The following PGR variants were observed in gnomAD, a reference collection of about 807,000 sequenced individuals.
PGR encodes the protein nuclear receptor subfamily 3 group C member 3.
Under a neutral mutation model 76.1 loss-of-function variants are expected in PGR, and 25 were observed. The ratio of observed to expected loss-of-function variants is 0.33; its 90% CI spans 0.24 to 0.46. The LOEUF (loss-of-function observed/expected upper bound fraction) is 0.46. Among genes scored for constraint, PGR ranks in the 20% least tolerant of loss-of-function variants. PGR has a pLI of 1.00. For missense variants in PGR, 1,172 were observed against 1,225.3 expected, an observed-to-expected ratio of 0.96 and a Z score of 0.65; for synonymous variants, 579 against 535.0, an observed-to-expected ratio of 1.08 and a Z score of -1.14.
Position 101,036,484 on chromosome 11 carries a change from A to G in PGR, c.*2632T>C, listed in dbSNP as rs1009162664. 1 of 199,956 alleles carries G rather than the reference A, an allele frequency of 5.0e-6. No individual in the cohort carries two copies. The highest frequency in any genetic ancestry group is 2.3e-5 in the African/African-American group (1 of 43,490). 12.4% of individuals were successfully genotyped at this position (199,956 alleles called of 1,614,324 possible). On this transcript the variant is annotated 3_prime_UTR_variant, in exon 8 of 8. Coordinates refer to ENST00000325455, the MANE Select transcript of PGR (RefSeq NM_000926.4). Reference sequence around the variant, plus strand: ...ACCTGTCTTCTTATGATTTAGTGTCATTTTAGAGCTACCAGAAAGAACACG... The same window carrying G: ...ACCTGTCTTCTTATGATTTAGTGTCGTTTTAGAGCTACCAGAAAGAACACG...
Position 101,110,858 on chromosome 11 carries a change from A to G in PGR, c.1789+15149T>C, listed in dbSNP as rs550487902. 5.9e-5 allele frequency among the ~76,000 whole-genome samples: 9 copies of G among 152,318 alleles called. No homozygotes were observed. In the East Asian group the frequency reaches 9.7e-4, roughly 16 times the overall value. On this transcript the variant is annotated intron_variant, in intron 2 of 7. Transcript: ENST00000325455. ...CCAACCTCCAGCAATCACTACCTCGATAAGTCAATGACCATTCACATCAAG... is the reference window on the plus strand; with the variant it reads ...CCAACCTCCAGCAATCACTACCTCGGTAAGTCAATGACCATTCACATCAAG...
intron 4 of PGR, among the ~76,000 whole-genome samples, chr11:101,056,593 T>A (rs568875466): frequency 3.4e-4 from 47 of 139,804 alleles, no homozygotes; most frequent in African/African-American, 1.2e-3. Flanking sequence ...TGAGCTACAA[T>A]CATGCCACTG....
chr11:101,078,252 A>G (rs1861187901), intron 3 of PGR, among the ~76,000 whole-genome samples: 1 of 152,196 alleles, frequency 6.6e-6, no homozygotes, highest in South Asian at 2.1e-4. Flanking sequence ...TAAAATGTGA[A>G]GATAAGGCTT....
intron 2 of PGR, among the ~76,000 whole-genome samples, chr11:101,103,731 C>A (rs993674989): frequency 2.0e-5 from 3 of 152,094 alleles, no homozygotes; most frequent in Non-Finnish European, 4.4e-5. Context: ...TACTTAAATG[C>A]ATATAGGGTG....
At position 101,116,941 on chromosome 11, in the gene PGR, G is replaced by A. The variant is rs184467901; in HGVS notation, c.1789+9066C>T. On this transcript the variant is annotated intron_variant, in intron 2 of 7. Coordinates refer to ENST00000325455, the MANE Select transcript of PGR (RefSeq NM_000926.4). ...ATATTTTAGAGACTTCTTGACATCT[G>A]TAGTATAGACAGCTAACTCACTCTT... Among the ~76,000 whole-genome samples the A allele has an allele frequency of 2.5e-3, 385 of 152,104 alleles. 2 individuals are homozygous for A. The highest frequency in any genetic ancestry group is 9.0e-3 in the African/African-American group (374 of 41,504).
At chr11:101,055,762 C>T (rs1403655085) in intron 4 of PGR, among the ~76,000 whole-genome samples, 2 of 152,104 alleles carry the variant, frequency 1.3e-5, no homozygotes, top group Non-Finnish European at 2.9e-5. Flanking sequence ...CTTTATCCTA[C>T]TCTTAGTTTT....
Position 101,129,006 on chromosome 11 carries a change from T to C in PGR, c.65A>G (p.Glu22Gly). 1.3e-6 allele frequency: 2 copies of C among 1,578,912 alleles called. No homozygotes were observed. The highest frequency in any genetic ancestry group is 1.7e-6 in the Non-Finnish European group (2 of 1,162,826). ...PHVAGGPPSP[E>G]VGSPLLCRPA... ...GCGACACAGCAGTGGGGATCCGACC[T>C]CGGGGGAGGGCGGGCCGCCCGCCAC... Residue 22 changes from glutamate (E) to glycine (G), a missense_variant, in exon 1 of 8, where the codon GAG becomes GGG. Transcript: ENST00000325455.
chr11:101,089,196 A>G (rs57053280), intron 3 of PGR, among the ~76,000 whole-genome samples: 40 of 152,000 alleles, frequency 2.6e-4, no homozygotes, highest in African/African-American at 9.2e-4. Flanking sequence ...GAAAAAATAA[A>G]TAGAGCTGCG....
rs1202120789 is a variant in PGR at position 101,128,384 on chromosome 11, G to C, written c.687C>G (p.Ser229=). ...TCAGAAGCGGACCCGCAGACTCCTC[G>C]GACTCAGAGCCATCCTCCTCCTCAA... ...VEVEEEDGSE[S]EESAGPLLKG... The change falls in exon 1 of 8, where the codon TCC becomes TCG. Residue 229 remains serine, a synonymous_variant. Coordinates refer to ENST00000325455, the MANE Select transcript of PGR (RefSeq NM_000926.4). 1 of 1,608,904 alleles carries C rather than the reference G, an allele frequency of 6.2e-7. No individual in the cohort carries two copies. The highest frequency in any genetic ancestry group is 1.3e-5 in the African/African-American group (1 of 75,044).
At chr11:101,105,714 T>C (rs758526244) in intron 2 of PGR, among the ~76,000 whole-genome samples, 1 of 152,120 alleles carries the variant, frequency 6.6e-6, no homozygotes, top group South Asian at 2.1e-4. Flanking sequence ...CTTCACAGAA[T>C]TGGAAAAAGC....
At chr11:101,073,202 A>G (rs1213054355) in intron 3 of PGR, among the ~76,000 whole-genome samples, 1 of 152,258 alleles carries the variant, frequency 6.6e-6, no homozygotes, top group Non-Finnish European at 1.5e-5. Flanking sequence ...ATGGAAACTG[A>G]ACAACCTGCT....
intron 2 of PGR, among the ~76,000 whole-genome samples, chr11:101,123,999 A>C (rs1862761257): frequency 6.6e-6 from 1 of 152,196 alleles, no homozygotes; most frequent in African/African-American, 2.4e-5. Context: ...TGTTATCCTC[A>C]TTTTATCTCA....
chr11:101,127,957 C>A lies in PGR; in HGVS notation c.1114G>T (p.Asp372Tyr). Reference protein sequence around the residue: ...AYPPDAEPKDDAYPLYSDFQP... With the variant: ...AYPPDAEPKDYAYPLYSDFQP... ...AAGTCGCTATAGAGAGGGTACGCGT[C>A]GTCCTTGGGCTCGGCGTCGGGCGGG... is the stretch of plus-strand genomic sequence containing the variant. Residue 372 changes from aspartate to tyrosine, a missense_variant, in exon 1 of 8, where the codon GAC (aspartate) becomes TAC (tyrosine). Asp to Tyr is a radical substitution (Grantham distance 160). Coordinates refer to ENST00000325455, the MANE Select transcript of PGR (RefSeq NM_000926.4). The A allele has an allele frequency of 1.2e-6, 2 of 1,612,072 alleles. No individual in the cohort carries two copies. The highest frequency in any genetic ancestry group is 1.7e-6 in the Non-Finnish European group (2 of 1,179,818).
At chr11:101,060,262 T>C (rs1227012083) in intron 4 of PGR, among the ~76,000 whole-genome samples, 1 of 152,182 alleles carries the variant, frequency 6.6e-6, no homozygotes, top group African/African-American at 2.4e-5. Context: ...TGAGGATCAC[T>C]TAACAAAAGT....
chr11:101,031,562 A>G lies in PGR; in HGVS notation c.*7554T>C, dbSNP rs574319304. ...GCTCCAAGGCTGTGGAGGGCTCATG[A>G]AGTCACAATGTTCTACTGAGAATTT... On this transcript the variant is annotated 3_prime_UTR_variant, in exon 8 of 8. Coordinates refer to ENST00000325455, the MANE Select transcript of PGR (RefSeq NM_000926.4). 22 of 225,506 alleles carry G rather than the reference A, an allele frequency of 9.8e-5. No individual in the cohort carries two copies. The highest frequency in any genetic ancestry group is 3.4e-4 in the Admixed American group (6 of 17,548). 14.0% of individuals were successfully genotyped at this position (225,506 alleles called of 1,614,324 possible). A position where few individuals can be genotyped will look rare whatever the true frequency, so the allele number is the denominator to read the frequency against.
intron 2 of PGR, among the ~76,000 whole-genome samples, chr11:101,108,070 A>T (rs1433363950): frequency 6.6e-6 from 1 of 151,686 alleles, no homozygotes; most frequent in African/African-American, 2.4e-5. Flanking sequence ...CCTAGCCAAC[A>T]CAGTGAAACC....
At chr11:101,058,001 T>C (rs964326664) in intron 4 of PGR, among the ~76,000 whole-genome samples, 1 of 152,078 alleles carries the variant, frequency 6.6e-6, no homozygotes, top group Non-Finnish European at 1.5e-5. Context: ...CTGGAAAAGA[T>C]AGAACCCAGA....
intron 2 of PGR, among the ~76,000 whole-genome samples, chr11:101,108,596 C>T (rs1862249606): frequency 6.6e-6 from 1 of 152,138 alleles, no homozygotes; most frequent in Non-Finnish European, 1.5e-5. Context: ...AAACACAGTG[C>T]CCAGTGGTGT....
rs549347490 is a variant in PGR, at chr11:101,119,541, C to T, written c.1789+6466G>A. Among the ~76,000 whole-genome samples, 4 of 152,124 alleles carry T rather than the reference C, an allele frequency of 2.6e-5. No individual in the cohort carries two copies. In the South Asian group the frequency reaches 8.3e-4, roughly 32 times the overall value. On this transcript the variant is annotated intron_variant, in intron 2 of 7. Transcript: ENST00000325455. ...TGCACAAATGCCAAAAAGATACCAG[C>T]AAATAGAGCCAAAAAACTTCTTAGG...
Sources: allele counts gnomAD v4.1 joint callset (sites outside exome capture counted in the v4.1 genomes callset), GRCh38; gene constraint gnomAD v4.1.1; transcripts MANE v1.5; gene names NCBI Gene and HGNC (gene_info 2026-07-23, HGNC 2026-07-21).